Variants in MACROH2A1 observed in about 807,000 individuals in gnomAD.
MACROH2A1 encodes core histone macro-H2A.1.
Under a neutral mutation model 31.6 loss-of-function variants are expected in MACROH2A1, and 2 were observed. The ratio of observed to expected loss-of-function variants is 0.06; its 90% confidence interval spans 0.03 to 0.20. The LOEUF (loss-of-function observed/expected upper bound fraction) is 0.20, where lower values mean the gene tolerates loss of function less well. MACROH2A1 is among the 10% of genes least tolerant of loss of function. The probability of loss-of-function intolerance (pLI) is 1.00; values close to 1 mark genes in which losing one functional copy is unlikely to be tolerated. For missense variants in MACROH2A1, 230 were observed against 474.0 expected (o/e 0.49, Z 4.78); for synonymous variants, 169 against 189.6 (o/e 0.89, Z 0.89).
chr5:135,389,868 C>T (rs1287003423), intron 1 of MACROH2A1, among the ~76,000 whole-genome samples: 1 of 152,226 alleles, frequency 6.6e-6, no homozygotes, highest in Non-Finnish European at 1.5e-5. Context: ...GGTCTCCCTA[C>T]CAGAGCCCCC....
chr5:135,388,951 T>TACAC lies in MACROH2A1; in HGVS notation c.139_142dup (p.Tyr48CysfsTer42). The TACAC allele has an allele frequency of 6.2e-7, 1 of 1,611,794 alleles. No individual in the cohort carries two copies. Among genetic ancestry groups the TACAC allele is most frequent in the Non-Finnish European group, 8.5e-7 (1 of 1,178,150 alleles). ...CAGGTATTCCAGGACGGCGGCCATG[T>TACAC]ACACGGGTGCCCCCACTCCAATCCT... On this transcript the variant is annotated frameshift_variant, in exon 2 of 9. Transcript: ENST00000511689. LOFTEE classifies it high-confidence loss of function.
At position 135,358,433 on chromosome 5, in the gene MACROH2A1, A is replaced by C. The variant is rs994842718; in HGVS notation, c.588+2064T>G. 1.1e-5 allele frequency: 11 copies of C among 985,252 alleles called. No individual in the cohort carries two copies. In the African/African-American group the frequency reaches 1.6e-4, roughly 14 times the overall value. The allele number at this position is 985,252 out of a possible 1,614,324, so 61.0% of individuals were successfully genotyped here. Reference sequence around the variant, plus strand: ...CTGGATATGTGACTCTTGGATCATAAAGTCACAAGCACATTAAACAGGAAG... The same window carrying C: ...CTGGATATGTGACTCTTGGATCATACAGTCACAAGCACATTAAACAGGAAG... On this transcript the variant is annotated intron_variant, in intron 5 of 8. Coordinates refer to ENST00000511689, the MANE Select transcript of MACROH2A1 (RefSeq NM_138610.3).
rs180952674 is a variant in MACROH2A1, at chr5:135,339,000, C to G, written c.954-3859G>C. Among the ~76,000 whole-genome samples, 23 of 152,284 alleles carry G rather than the reference C, an allele frequency of 1.5e-4. No individual in the cohort carries two copies. The East Asian group carries it at 4.1e-3, about 27-fold the overall frequency. On this transcript the variant is annotated intron_variant, in intron 8 of 8. Coordinates refer to ENST00000511689, the MANE Select transcript of MACROH2A1 (RefSeq NM_138610.3). ...CCAGTACTGCGGCCACCATCAGCCC[C>G]ACCTGGGAGATGCGTGCACTGTTTG...
chr5:135,360,484 C>T lies in MACROH2A1; in HGVS notation c.588+13G>A, dbSNP rs144750284. ...GGGGCCCTCGAGTAGACTGAGGCCG[C>T]GCATCTGCCTACCTTCTGGCCAAGG... On this transcript the variant is annotated intron_variant, in intron 5 of 8. Transcript: ENST00000511689. 487 of 1,529,072 alleles carry T rather than the reference C, an allele frequency of 3.2e-4. 4 individuals are homozygous for T. The African/African-American group carries it at 5.5e-3, about 17-fold the overall frequency. The allele number at this position is 1,529,072 out of a possible 1,614,324, so 94.7% of individuals were successfully genotyped here. A position where few individuals can be genotyped will look rare whatever the true frequency, so the allele number is the denominator to read the frequency against.
At chr5:135,387,166 AATGCT>A (rs1242904518) in intron 2 of MACROH2A1, among the ~76,000 whole-genome samples, 6 of 152,132 alleles carry the variant, frequency 3.9e-5, no homozygotes, top group Non-Finnish European at 7.4e-5. Context: ...GATGACTGCC[AATGCT>A]ATACATAGCT....
rs757667558 is a variant in MACROH2A1 at position 135,358,119 on chromosome 5, CTGTG to C, written c.588+2374_588+2377del. The C allele has an allele frequency of 1.3e-5, 13 of 984,240 alleles. No individual in the cohort carries two copies. The Admixed American group carries it at 3.1e-4, about 23-fold the overall frequency. 61.0% of individuals were successfully genotyped at this position (984,240 alleles called of 1,614,324 possible). A position where few individuals can be genotyped will look rare whatever the true frequency, so the allele number is the denominator to read the frequency against. ...ATTTTAAATGTGCTTTTTGTAAAAA[CTGTG>C]TGTTAGTTTCATGATTTTTGCCTTT... On this transcript the variant is annotated intron_variant, in intron 5 of 8. Transcript: ENST00000511689.
intron 2 of MACROH2A1, among the ~76,000 whole-genome samples, chr5:135,374,061 A>C (rs1482047148): frequency 1.3e-5 from 2 of 152,110 alleles, no homozygotes; most frequent in African/African-American, 2.4e-5. Flanking sequence ...GGGCCGGGGC[A>C]TTTCACCATG....
chr5:135,334,912 A>ATTTTTTTT lies in MACROH2A1; in HGVS notation c.*56_*63dup. The ATTTTTTTT allele has an allele frequency of 1.5e-6, 2 of 1,322,028 alleles. No homozygotes were observed. Among genetic ancestry groups the ATTTTTTTT allele is most frequent in the Non-Finnish European group, 1.1e-6 (1 of 950,946 alleles). 81.9% of individuals were successfully genotyped at this position (1,322,028 alleles called of 1,614,324 possible). On this transcript the variant is annotated 3_prime_UTR_variant, in exon 9 of 9. Transcript: ENST00000511689. ...CCACCTCCCAGTAGGAGTGAAGGGG[A>ATTTTTTTT]TTTTTTTTTTCTTTTAAACTGAAGG...
At chr5:135,393,644 C>T (rs937292072) in intron 1 of MACROH2A1, among the ~76,000 whole-genome samples, 2 of 152,234 alleles carry the variant, frequency 1.3e-5, no homozygotes, top group Non-Finnish European at 2.9e-5. Flanking sequence ...TTCTTCCTTC[C>T]TTCAGTAAAC....
upstream of MACROH2A1, chr5:135,399,598 C>G (rs1191990053): frequency 1.3e-5 from 2 of 152,204 alleles, no homozygotes; most frequent in Non-Finnish European, 2.9e-5. This position sits in a 1 kb window ranked among gnomAD's most constrained non-coding sequence, Gnocchi z 4.5. Flanking sequence ...TCCCACTAAC[C>G]CAGTGGGAAG....
intron 1 of MACROH2A1, among the ~76,000 whole-genome samples, chr5:135,389,898 T>C (rs1255845663): frequency 6.6e-6 from 1 of 152,194 alleles, no homozygotes; most frequent in African/African-American, 2.4e-5. Flanking sequence ...ATCCACCCTC[T>C]ACCCCATGGG....
At chr5:135,350,146 A>G in intron 6 of MACROH2A1, among the ~76,000 whole-genome samples, 1 of 152,210 alleles carries the variant, frequency 6.6e-6, no homozygotes, top group East Asian at 1.9e-4. Context: ...TCAGCTATTT[A>G]GCACACCAGG....
At chr5:135,356,443 C>T (rs984873263) in intron 5 of MACROH2A1, 1 of 152,378 alleles carries the variant, frequency 6.6e-6, no homozygotes, top group African/African-American at 2.4e-5. Flanking sequence ...GGCCCCCTAA[C>T]CCTGAGTGCT....
At chr5:135,393,832 T>C (rs779562) in intron 1 of MACROH2A1, among the ~76,000 whole-genome samples, 28,342 of 152,128 alleles carry the variant, frequency 0.19, 5,768 homozygotes, top group African/African-American at 0.51. Flanking sequence ...TCTGCAACTC[T>C]TCCAATTATA....
chr5:135,360,772 A>T (rs1231382521), intron 4 of MACROH2A1, 165 bp from the exon 5 acceptor site: 2 of 702,296 alleles, frequency 2.8e-6, no homozygotes, highest in Non-Finnish European at 5.2e-6. Flanking sequence ...ATTTTGAGGT[A>T]CAAGAGTTCT....
At chr5:135,352,383 G>A in intron 6 of MACROH2A1, among the ~76,000 whole-genome samples, 1 of 152,214 alleles carries the variant, frequency 6.6e-6, no homozygotes, top group East Asian at 1.9e-4. Flanking sequence ...TGGAGATATT[G>A]CCCTTCTGTT....
chr5:135,375,044 G>C (rs1362181605), intron 2 of MACROH2A1, among the ~76,000 whole-genome samples: 6 of 152,218 alleles, frequency 3.9e-5, no homozygotes, highest in Admixed American at 3.9e-4. Context: ...CTGTAAGTGT[G>C]GTAAAGTTCC....
chr5:135,385,282 G>C (rs996404250), intron 2 of MACROH2A1, among the ~76,000 whole-genome samples: 1 of 152,214 alleles, frequency 6.6e-6, no homozygotes, highest in African/African-American at 2.4e-5. Context: ...CTGGTAACTG[G>C]TTAACAAGCA....
chr5:135,364,823 C>T (rs1190117412), intron 4 of MACROH2A1, among the ~76,000 whole-genome samples: 1 of 152,360 alleles, frequency 6.6e-6, no homozygotes, highest in South Asian at 2.1e-4. Context: ...CTTTCTCTGG[C>T]TTCCCTTACC....
Sources: allele counts gnomAD v4.1 joint callset (sites outside exome capture counted in the v4.1 genomes callset), GRCh38; gene constraint gnomAD v4.1.1; non-coding constraint Gnocchi (gnomAD v3.1); transcripts MANE v1.5; gene names NCBI Gene and HGNC (gene_info 2026-07-23, HGNC 2026-07-21).